GRM8: variants seen among roughly 807,000 people sequenced by gnomAD.
GRM8 encodes the protein glutamate metabotropic receptor 8.
Under a neutral mutation model 87.2 loss-of-function variants are expected in GRM8, and 47 were observed. The observed-to-expected ratio is 0.54, with a 90% confidence interval of 0.43 to 0.69. The LOEUF is 0.69. Among genes scored for constraint, GRM8 ranks in the 30% least tolerant of loss-of-function variants. The pLI is 0.00. For missense variants in GRM8, 1,019 were observed against 1,139.2 expected (o/e 0.89, Z 1.52); for synonymous variants, 396 against 404.5 (o/e 0.98, Z 0.25).
At chr7:126,572,013 T>A (rs1794732003) in intron 8 of GRM8, among the ~76,000 whole-genome samples, 1 of 152,056 alleles carries the variant, frequency 6.6e-6, no homozygotes, top group African/African-American at 2.4e-5. Flanking sequence ...AGTGCTGGGA[T>A]TACAGGCATA....
At chr7:126,977,474 T>C (rs568854069) in intron 3 of GRM8, among the ~76,000 whole-genome samples, 2 of 152,314 alleles carry the variant, frequency 1.3e-5, no homozygotes, top group South Asian at 4.1e-4. Flanking sequence ...CAACACAATA[T>C]CTGGAGAAGG....
rs1301311601 is a variant in GRM8, at chr7:127,252,040, C to G, written c.-312+757G>C. ...ATCCTGGTTAGACATCCATCCAGCC[C>G]ACGCTCAGAGGGCGGGGGTTACCCC... On this transcript the variant is annotated intron_variant, in intron 1 of 10. Coordinates refer to ENST00000339582, the MANE Select transcript of GRM8 (RefSeq NM_000845.3). The surrounding 1 kb of genome is among the most constrained non-coding windows in gnomAD (Gnocchi z 4.9). 2.0e-5 allele frequency: 3 copies of G among 152,224 alleles called. No homozygotes were observed. The highest frequency in any genetic ancestry group is 2.9e-5 in the Non-Finnish European group (2 of 68,062). 9.4% of individuals were successfully genotyped at this position (152,224 alleles called of 1,614,324 possible).
intron 3 of GRM8, among the ~76,000 whole-genome samples, chr7:127,100,314 CT>C (rs1390974333): frequency 6.6e-6 from 1 of 152,148 alleles, no homozygotes; most frequent in African/African-American, 2.4e-5. Flanking sequence ...TGAAACACTG[CT>C]CATCATCCTT....
At chr7:126,928,790 T>C (rs551335659) in intron 3 of GRM8, among the ~76,000 whole-genome samples, 31 of 152,214 alleles carry the variant, frequency 2.0e-4, no homozygotes, top group South Asian at 4.2e-4. Context: ...CTTTGACATG[T>C]ACATTAAATA....
intron 6 of GRM8, among the ~76,000 whole-genome samples, chr7:126,841,715 C>T (rs556664094): frequency 1.3e-5 from 2 of 151,876 alleles, no homozygotes; most frequent in South Asian, 2.1e-4. Context: ...GCAAGCTCCG[C>T]CTCCCGGATT....
At chr7:127,251,041 C>A (rs2116922873) in intron 1 of GRM8, 1 of 152,346 alleles carries the variant, frequency 6.6e-6, no homozygotes, top group South Asian at 2.1e-4. Context: ...GTTCCAGAGA[C>A]TCCCGCACCT....
rs1464792484 is a variant in GRM8 at position 126,446,167 on chromosome 7, C to T, written c.2636G>A (p.Gly879Asp). The change falls in exon 10 of 11, where the codon GGC (glycine) becomes GAC (aspartate). Residue 879 changes from glycine (G) to aspartate (D), a missense_variant. Coordinates refer to ENST00000339582, the MANE Select transcript of GRM8 (RefSeq NM_000845.3). Reference sequence around the variant, plus strand: ...CTCACAGAGTTCACTTTTCACCTCGCCATTTGGTCTGTCATTTCCTTTTTG... The same window carrying T: ...CTCACAGAGTTCACTTTTCACCTCGTCATTTGGTCTGTCATTTCCTTTTTG... Reference protein sequence around the residue: ...LIQKGNDRPNGEVKSELCESL... With the variant: ...LIQKGNDRPNDEVKSELCESL... The T allele has an allele frequency of 1.2e-6, 2 of 1,612,748 alleles. No individual in the cohort carries two copies. Among genetic ancestry groups the T allele is most frequent in the Admixed American group, 1.7e-5 (1 of 59,856 alleles).
At chr7:127,051,354 A>C (rs77908783) in intron 3 of GRM8, among the ~76,000 whole-genome samples, 2 of 148,300 alleles carry the variant, frequency 1.3e-5, no homozygotes, top group South Asian at 2.1e-4. Context: ...CAAAAAAAAA[A>C]CCTGCACACG....
In GRM8 at chr7:126,536,830, C is replaced by CAAAAA. The variant is rs1263806581; in HGVS notation, c.1495-2944_1495-2943insTTTTT. Among the ~76,000 whole-genome samples, 15 of 151,934 alleles carry CAAAAA rather than the reference C, an allele frequency of 9.9e-5. No individual in the cohort carries two copies. In the South Asian group the frequency reaches 2.7e-3, roughly 27 times the overall value. On this transcript the variant is annotated intron_variant, in intron 8 of 10. Transcript: ENST00000339582. ...ATTTACAGTGTTCCTGCTCAAAAAA[C>CAAAAA]ACAAAACAAAACAAAACAAAACAAA...
chr7:126,689,637 CAA>C (rs1003023597), intron 7 of GRM8, among the ~76,000 whole-genome samples: 2 of 151,898 alleles, frequency 1.3e-5, no homozygotes, highest in African/African-American at 4.8e-5. Flanking sequence ...AAGGATTTTC[CAA>C]AAGAGATTTG....
At chr7:127,033,009 C>CTT (rs5887323) in intron 3 of GRM8, among the ~76,000 whole-genome samples, 80,622 of 139,740 alleles carry the variant, frequency 0.58, 23,974 homozygotes, top group Non-Finnish European at 0.63. Flanking sequence ...CTTTCGTTTC[C>CTT]TTTTTTTTTT....
intron 10 of GRM8, among the ~76,000 whole-genome samples, chr7:126,442,424 G>C (rs1238288195): frequency 6.6e-6 from 1 of 151,882 alleles, no homozygotes; most frequent in African/African-American, 2.4e-5. Flanking sequence ...TTCTGCTTTT[G>C]AAGGACTTTC....
Position 126,798,866 on chromosome 7 carries a change from T to A in GRM8, c.1157-28801A>T, listed in dbSNP as rs1822303322. On this transcript the variant is annotated intron_variant, in intron 6 of 10. Transcript: ENST00000339582. ...TACCTATGAGATGAGACTGGGAAAG[T>A]CTCCCAAGAAGTGTCTGTGTTCAAC... is the stretch of plus-strand genomic sequence containing the variant. Among the ~76,000 whole-genome samples the A allele has an allele frequency of 2.0e-5, 3 of 151,864 alleles. 1 individual carries two copies. The South Asian group carries it at 6.2e-4, about 32-fold the overall frequency.
At chr7:126,528,614 T>TGGTGTGTGTGTG (rs1814289111) in intron 9 of GRM8, among the ~76,000 whole-genome samples, 1 of 149,092 alleles carries the variant, frequency 6.7e-6, no homozygotes. Flanking sequence ...ACAAAAGAAG[T>TGGTGTGTGTGTG]TGTGTGTGTG....
chr7:126,580,261 A>C (rs1168516889), intron 8 of GRM8, among the ~76,000 whole-genome samples: 1 of 152,024 alleles, frequency 6.6e-6, no homozygotes, highest in Non-Finnish European at 1.5e-5. Flanking sequence ...CAAACTCCAA[A>C]ATTTTCTTTT....
intron 7 of GRM8, among the ~76,000 whole-genome samples, chr7:126,746,931 C>G (rs1055801223): frequency 6.6e-6 from 1 of 151,698 alleles, no homozygotes; most frequent in Admixed American, 6.6e-5. Flanking sequence ...AGAAAGAACA[C>G]AGTAAACCAC....
At chr7:126,820,690 TTC>T (rs1246701753) in intron 6 of GRM8, among the ~76,000 whole-genome samples, 1 of 151,894 alleles carries the variant, frequency 6.6e-6, no homozygotes, top group Admixed American at 6.6e-5. Context: ...TACCAGTTCT[TTC>T]TCTCTCTCTC....
intron 8 of GRM8, among the ~76,000 whole-genome samples, chr7:126,587,608 C>G (rs1796270364): frequency 6.8e-6 from 1 of 147,248 alleles, no homozygotes; most frequent in African/African-American, 2.5e-5. Flanking sequence ...TATTCTCACT[C>G]ATAGGTGGGA....
intron 7 of GRM8, among the ~76,000 whole-genome samples, chr7:126,746,923 A>G (rs1815766703): frequency 6.6e-6 from 1 of 151,806 alleles, no homozygotes; most frequent in African/African-American, 2.4e-5. Context: ...AATATAAAAG[A>G]AAGAACACAG....
Sources: allele counts gnomAD v4.1 joint callset (sites outside exome capture counted in the v4.1 genomes callset), GRCh38; gene constraint gnomAD v4.1.1; non-coding constraint Gnocchi (gnomAD v3.1); transcripts MANE v1.5; gene names NCBI Gene and HGNC (gene_info 2026-07-23, HGNC 2026-07-21).